The following SLC71A1 variants were observed in gnomAD, a reference collection of about 807,000 sequenced individuals.
The protein encoded by SLC71A1 is hippocampus abundant gene transcript 1.
At chr1:100,047,800 A>G in the SLC71A1 span, among the ~76,000 whole-genome samples, 2 of 152,290 alleles carry the variant, frequency 1.3e-5, no homozygotes, top group Admixed American at 6.5e-5. Flanking sequence ...ATCAATGTTC[A>G]TCAGAGATAT....
the SLC71A1 span, among the ~76,000 whole-genome samples, chr1:100,055,492 C>T: frequency 6.6e-6 from 1 of 151,924 alleles, no homozygotes; most frequent in East Asian, 1.9e-4. Context: ...CTAAAAAGAA[C>T]TTCTAGGAGT....
chr1:100,052,452 G>T, the SLC71A1 span, among the ~76,000 whole-genome samples: 1 of 132,510 alleles, frequency 7.5e-6, no homozygotes. Context: ...TTTTTGAGAC[G>T]GAGTCTCGCT....
the SLC71A1 span, chr1:100,082,307 A>G: frequency 3.2e-6 from 3 of 935,264 alleles, no homozygotes; most frequent in Non-Finnish European, 1.6e-6. Context: ...GTGTACTTTA[A>G]GATTGTCTTA....
At chr1:100,078,378 T>A in the SLC71A1 span, 1 of 957,074 alleles carries the variant, frequency 1.0e-6, no homozygotes, top group Middle Eastern at 2.2e-4. Flanking sequence ...TAAGAATTAC[T>A]TAATTATGTA....
At chr1:100,076,055 G>A in the SLC71A1 span, among the ~76,000 whole-genome samples, 1,723 of 152,200 alleles carry the variant, frequency 0.011, 40 homozygotes, top group African/African-American at 0.04. Flanking sequence ...TTTGGTTGCC[G>A]AAGAATATAA....
chr1:100,066,919 G>A, the SLC71A1 span, among the ~76,000 whole-genome samples: 1 of 150,682 alleles, frequency 6.6e-6, no homozygotes, highest in East Asian at 2.0e-4. Context: ...AACCCCGGGG[G>A]CGGAGCCTGC....
At chr1:100,078,690 G>C in the SLC71A1 span, 1 of 582,954 alleles carries the variant, frequency 1.7e-6, no homozygotes, top group East Asian at 2.8e-5. Flanking sequence ...AGGAAAAGCA[G>C]ATTCTAGGGT....
the SLC71A1 span, among the ~76,000 whole-genome samples, chr1:100,046,212 GTTTTTTTTTTTTTTT>G: frequency 6.7e-3 from 363 of 54,116 alleles, 2 homozygotes; most frequent in Non-Finnish European, 0.011. Context: ...TCCAAGCCTC[GTTTTTTTTTTTTTTT>G]TTTTTTTTTT....
the SLC71A1 span, among the ~76,000 whole-genome samples, chr1:100,071,543 C>G: frequency 1.3e-5 from 2 of 152,226 alleles, no homozygotes; most frequent in Admixed American, 1.3e-4. Flanking sequence ...TTAACCCAAC[C>G]TTGCAATAGA....
the SLC71A1 span, among the ~76,000 whole-genome samples, chr1:100,074,264 A>G: frequency 6.6e-6 from 1 of 152,156 alleles, no homozygotes; most frequent in South Asian, 2.1e-4. Flanking sequence ...TTAATGACTC[A>G]TCTCATGGCC....
chr1:100,078,430 G>A, the SLC71A1 span: 1 of 1,520,016 alleles, frequency 6.6e-7, no homozygotes, highest in Non-Finnish European at 9.1e-7. Context: ...TACTGTTTTT[G>A]TTTTGCTGCT....
At chr1:100,078,246 C>G in the SLC71A1 span, among the ~76,000 whole-genome samples, 1 of 152,226 alleles carries the variant, frequency 6.6e-6, no homozygotes, top group East Asian at 1.9e-4. Context: ...ACATTACACC[C>G]TCACAGCACT....
the SLC71A1 span, among the ~76,000 whole-genome samples, chr1:100,071,678 C>A: frequency 6.6e-6 from 1 of 152,144 alleles, no homozygotes; most frequent in Non-Finnish European, 1.5e-5. Context: ...AGATTGATAG[C>A]TATAAGGTCT....
the SLC71A1 span, among the ~76,000 whole-genome samples, chr1:100,072,791 G>A: frequency 1.3e-5 from 2 of 151,988 alleles, no homozygotes; most frequent in Admixed American, 6.6e-5. Context: ...CTGGGCACCG[G>A]TACGTATAAG....
chr1:100,073,883 G>A, the SLC71A1 span, among the ~76,000 whole-genome samples: 1 of 151,832 alleles, frequency 6.6e-6, no homozygotes, highest in Non-Finnish European at 1.5e-5. Flanking sequence ...TTAAATTAAG[G>A]GACACCAAAA....
At chr1:100,056,097 A>G in the SLC71A1 span, among the ~76,000 whole-genome samples, 1 of 152,066 alleles carries the variant, frequency 6.6e-6, no homozygotes, top group African/African-American at 2.4e-5. Flanking sequence ...GCTGTAGTCA[A>G]CCTGTTGTGC....
At chr1:100,057,932 A>G in the SLC71A1 span, 1 of 152,362 alleles carries the variant, frequency 6.6e-6, no homozygotes, top group East Asian at 1.9e-4. Context: ...CAGTTGCCTC[A>G]TATGTAAAGT....
At chr1:100,047,809 A>G in the SLC71A1 span, among the ~76,000 whole-genome samples, 1 of 152,126 alleles carries the variant, frequency 6.6e-6, no homozygotes, top group Non-Finnish European at 1.5e-5. Context: ...CATCAGAGAT[A>G]TTGTCCCATA....
chr1:100,049,337 TTG>T, the SLC71A1 span, among the ~76,000 whole-genome samples: 32 of 150,948 alleles, frequency 2.1e-4, no homozygotes, highest in Middle Eastern at 3.4e-3. Flanking sequence ...TTTTTTTTTT[TTG>T]GTTACATCTT....
Sources: gnomAD v4.1 joint callset for allele counts (sites outside exome capture counted in the v4.1 genomes callset) on GRCh38, gnomAD v4.1.1 for gene constraint, MANE v1.5 for transcripts, NCBI Gene and HGNC (gene_info 2026-07-23, HGNC 2026-07-21) for gene names.